Variants in RBBP6 observed in about 807,000 individuals in gnomAD.
The protein encoded by RBBP6 is RB binding protein 6, ubiquitin ligase.
RBBP6 carries 25 observed loss-of-function variants against 167.7 expected under a neutral mutation model. That is an observed-to-expected ratio of 0.15 (90% CI 0.11 to 0.21). The LOEUF is 0.21. RBBP6 is among the 10% of genes least tolerant of loss of function. The pLI, the probability that RBBP6 is intolerant of heterozygous loss-of-function variation, is 1.00. For synonymous variants in RBBP6, 789 were observed against 735.8 expected (o/e 1.07, Z -1.17); for missense variants, 1,868 against 2,134.2 (o/e 0.88, Z 2.46).
rs1567283062 is a variant in RBBP6 at position 24,572,555 on chromosome 16, G to A, written c.*110G>A. On this transcript the variant is annotated 3_prime_UTR_variant, in exon 18 of 18. Coordinates refer to ENST00000319715, the MANE Select transcript of RBBP6 (RefSeq NM_006910.5). ...ATAATGACATGGAAGACCCTGTGCT[G>A]CACTTAAAATATTGCTGCTTGATTA... 1.5e-6 allele frequency: 2 copies of A among 1,346,874 alleles called. No homozygotes were observed. Among genetic ancestry groups the A allele is most frequent in the East Asian group, 2.6e-5 (1 of 39,122 alleles). The allele number at this position is 1,346,874 out of a possible 1,614,324, so 83.4% of individuals were successfully genotyped here.
intron 14 of RBBP6, 150 bp from the exon 15 acceptor site, chr16:24,566,993 A>G: frequency 1.2e-6 from 1 of 809,680 alleles, no homozygotes; most frequent in East Asian, 2.7e-5. Flanking sequence ...TTTTACAAAT[A>G]AATTGTACTA....
Position 24,556,559 on chromosome 16 carries a change from A to G in RBBP6, c.674+112A>G. ...CTTGGATTCCTTGAGAACTTTGTAT[A>G]CCAAAGCCATTAGTCTCTACATCTT... On this transcript the variant is annotated intron_variant, in intron 7 of 17. Coordinates refer to ENST00000319715, the MANE Select transcript of RBBP6 (RefSeq NM_006910.5). 3.2e-6 allele frequency: 4 copies of G among 1,234,482 alleles called. No homozygotes were observed. The South Asian group carries it at 6.1e-5, about 19-fold the overall frequency. The allele number at this position is 1,234,482 out of a possible 1,614,324, so 76.5% of individuals were successfully genotyped here.
At position 24,568,918 on chromosome 16, in the gene RBBP6, A is replaced by G. The variant is rs1899257550; in HGVS notation, c.2228A>G (p.Asn743Ser). 3.7e-6 allele frequency: 6 copies of G among 1,614,264 alleles called. No homozygotes were observed. Among genetic ancestry groups the G allele is most frequent in the South Asian group, 1.1e-5 (1 of 91,090 alleles). ...YPRRGRGKSRNYRSRSRSHGY... is the reference protein window; with the variant it reads ...YPRRGRGKSRSYRSRSRSHGY... Reference sequence around the variant, plus strand: ...AGAAGAGGCAGAGGCAAGAGCCGCAATTACCGTTCACGGTCTAGATCTCAT... The same window carrying G: ...AGAAGAGGCAGAGGCAAGAGCCGCAGTTACCGTTCACGGTCTAGATCTCAT... Residue 743 changes from asparagine (N) to serine (S), a missense_variant, in exon 17 of 18, where the codon AAT becomes AGT. This residue lies in a region of RBBP6 where 673 missense variants were observed against 691.5 expected (regional missense o/e 0.97). Coordinates refer to ENST00000319715, the MANE Select transcript of RBBP6 (RefSeq NM_006910.5).
At chr16:24,550,078 C>T (rs1304190485) in intron 3 of RBBP6, among the ~76,000 whole-genome samples, 5 of 151,916 alleles carry the variant, frequency 3.3e-5, no homozygotes, top group Non-Finnish European at 4.4e-5. Context: ...TGATATTGTA[C>T]ACAATGCAAG....
At chr16:24,541,267 C>A (rs1281565186) in intron 1 of RBBP6, among the ~76,000 whole-genome samples, 4 of 151,470 alleles carry the variant, frequency 2.6e-5, no homozygotes, top group South Asian at 2.1e-4. Flanking sequence ...TATGTCCTGC[C>A]TTCCTCCCTC....
At chr16:24,564,208 A>C (rs1053441176) in intron 13 of RBBP6, among the ~76,000 whole-genome samples, 1 of 152,220 alleles carries the variant, frequency 6.6e-6, no homozygotes, top group Non-Finnish European at 1.5e-5. Context: ...GACTTACTTA[A>C]TGTATTTTTA....
At chr16:24,570,840 C>A in intron 17 of RBBP6, 36 bp from the exon 18 acceptor site, 4 of 1,338,930 alleles carry the variant, frequency 3.0e-6, no homozygotes, top group Non-Finnish European at 3.9e-6. Context: ...ATAGTAAATT[C>A]TTCATTAATT....
chr16:24,570,115 A>G lies in RBBP6; in HGVS notation c.3425A>G (p.Asn1142Ser). ...AATGAGAAAAACAAACCACTTGATA[A>G]TAAGGGAGAAAAAAGAAAAAGAAAA... ...KPNEKNKPLD[N>S]KGEKRKRKTE... Residue 1142 changes from asparagine (N) to serine (S), a missense_variant, in exon 17 of 18, where the codon AAT (asparagine) becomes AGT (serine). Asn to Ser is a conservative substitution (Grantham distance 46). Transcript: ENST00000319715. 6.3e-7 allele frequency: 1 copy of G among 1,592,014 alleles called. No homozygotes were observed. Among genetic ancestry groups the G allele is most frequent in the South Asian group, 1.2e-5 (1 of 85,728 alleles).
intron 7 of RBBP6, 85 bp downstream of exon 7, chr16:24,556,532 T>C (rs1050865860): frequency 1.4e-5 from 20 of 1,413,908 alleles, no homozygotes; most frequent in Non-Finnish European, 1.8e-5. Context: ...GTAACTTTGC[T>C]ACTTGGATTC....
chr16:24,548,901 C>G, intron 2 of RBBP6, 44 bp from the exon 3 acceptor site: 5 of 1,489,676 alleles, frequency 3.4e-6, no homozygotes, highest in Non-Finnish European at 4.6e-6. Flanking sequence ...CACAAAAATT[C>G]ATAAATAGCT....
chr16:24,571,388 A>T lies in RBBP6; in HGVS notation c.4322A>T (p.Lys1441Ile). 1 of 1,614,022 alleles carries T rather than the reference A, an allele frequency of 6.2e-7. No homozygotes were observed. The highest frequency in any genetic ancestry group is 2.2e-5 in the East Asian group (1 of 44,874). ...LDRLNEQGNFKSLSQSSKEAR... is the reference protein window; with the variant it reads ...LDRLNEQGNFISLSQSSKEAR... ...CGTCTGAATGAACAAGGAAATTTTA[A>T]AAGTCTGTCTCAATCTTCCAAAGAG... is the stretch of plus-strand genomic sequence containing the variant. The change falls in exon 18 of 18, where the codon AAA becomes ATA. Residue 1441 changes from lysine to isoleucine, a missense_variant. Lys to Ile is a moderately radical substitution (Grantham distance 102). Around this residue, in one of 7 missense-constraint regions of RBBP6, gnomAD observed 591 missense variants for 540.5 expected, o/e 1.09. Transcript: ENST00000319715.
chr16:24,553,578 T>G, intron 4 of RBBP6, 21 bp downstream of exon 4: 2 of 1,524,852 alleles, frequency 1.3e-6, no homozygotes, highest in South Asian at 2.5e-5. Flanking sequence ...ATATATATTC[T>G]TGAAAATATA....
In RBBP6 at chr16:24,540,481, T is replaced by C. The variant is rs1596495904; in HGVS notation, c.-146T>C. On this transcript the variant is annotated 5_prime_UTR_variant, in exon 1 of 18. Coordinates refer to ENST00000319715, the MANE Select transcript of RBBP6 (RefSeq NM_006910.5). ...TGTTCTGACGAACCCCTGCTTGTGG[T>C]TGGGGGGTATTTAATCTGAGGCCTT... 1.5e-6 allele frequency: 1 copy of C among 673,552 alleles called. No individual in the cohort carries two copies. Among genetic ancestry groups the C allele is most frequent in the East Asian group, 2.9e-5 (1 of 34,392 alleles). The allele number at this position is 673,552 out of a possible 1,614,324, so 41.7% of individuals were successfully genotyped here.
chr16:24,560,263 C>T (rs1197468541), intron 8 of RBBP6, among the ~76,000 whole-genome samples: 4 of 152,084 alleles, frequency 2.6e-5, no homozygotes, highest in African/African-American at 9.7e-5. Flanking sequence ...CCCGCCACCA[C>T]ACCCGGCTAA....
At chr16:24,542,025 C>T (rs2141451697) in intron 1 of RBBP6, among the ~76,000 whole-genome samples, 1 of 152,300 alleles carries the variant, frequency 6.6e-6, no homozygotes, top group African/African-American at 2.4e-5. Flanking sequence ...CATATCATGA[C>T]TCAAAAATAT....
At chr16:24,548,910 C>CTAA (rs771886841) in intron 2 of RBBP6, 35 bp from the exon 3 acceptor site, 2 of 1,524,060 alleles carry the variant, frequency 1.3e-6, no homozygotes, top group Non-Finnish European at 1.8e-6. Context: ...TCATAAATAG[C>CTAA]TAATGTTAAT....
chr16:24,570,782 A>G, intron 17 of RBBP6, 94 bp from the exon 18 acceptor site: 5 of 1,073,966 alleles, frequency 4.7e-6, no homozygotes, highest in East Asian at 2.8e-5. Flanking sequence ...TTAAAAGGAC[A>G]TTTGTGTTTA....
At chr16:24,565,132 G>C (rs2141474767) in intron 14 of RBBP6, among the ~76,000 whole-genome samples, 1 of 152,184 alleles carries the variant, frequency 6.6e-6, no homozygotes, top group East Asian at 1.9e-4. Context: ...CAGAGTATTG[G>C]CTTGCATTTA....
intron 9 of RBBP6, 34 bp downstream of exon 9, chr16:24,561,749 T>C (rs573232492): frequency 1.9e-6 from 3 of 1,609,282 alleles, no homozygotes; most frequent in Non-Finnish European, 2.6e-6. Flanking sequence ...GAAAAAATTC[T>C]TTTTAACTGA....
Sources: gnomAD v4.1 joint callset for allele counts (sites outside exome capture counted in the v4.1 genomes callset) on GRCh38, gnomAD v4.1.1 for gene constraint, gnomAD v4.1.1 regional missense constraint, MANE v1.5 for transcripts, NCBI Gene and HGNC (gene_info 2026-07-23, HGNC 2026-07-21) for gene names.